Variants in GPHN observed in about 807,000 individuals in gnomAD.
The protein encoded by GPHN is gephyrin.
A neutral mutation model predicts 95.5 loss-of-function variants in GPHN; 17 were observed. The observed-to-expected ratio is 0.18, with a 90% CI of 0.12 to 0.27. The LOEUF (loss-of-function observed/expected upper bound fraction) is 0.27. GPHN is among the 10% of genes least tolerant of loss of function. The pLI is 1.00. For synonymous variants in GPHN, 320 were observed against 322.5 expected (o/e 0.99, Z 0.08); for missense variants, 660 against 978.1 (o/e 0.67, Z 4.34).
chr14:67,604,367 C>T, the GPHN span, among the ~76,000 whole-genome samples: 3 of 152,166 alleles, frequency 2.0e-5, no homozygotes, highest in African/African-American at 7.2e-5. Context: ...TCTTTTATGG[C>T]TAGTGTTGTA....
chr14:66,630,535 G>T (rs1007555300), intron 1 of GPHN, among the ~76,000 whole-genome samples: 3 of 151,154 alleles, frequency 2.0e-5, no homozygotes, highest in Non-Finnish European at 3.0e-5. Context: ...GCAGTGGCGC[G>T]ATCTCAGCTC....
At chr14:66,689,986 T>A (rs1251838810) in intron 2 of GPHN, among the ~76,000 whole-genome samples, 1 of 152,014 alleles carries the variant, frequency 6.6e-6, no homozygotes, top group African/African-American at 2.4e-5. Context: ...ATTTTATTGA[T>A]CTTTTCATAA....
At chr14:66,820,226 A>G (rs1439166769) in intron 3 of GPHN, among the ~76,000 whole-genome samples, 1 of 152,142 alleles carries the variant, frequency 6.6e-6, no homozygotes, top group Non-Finnish European at 1.5e-5. Context: ...AAAAACTGAT[A>G]AAACAATATC....
intron 1 of GPHN, among the ~76,000 whole-genome samples, chr14:66,591,748 T>A (rs1172474988): frequency 6.6e-6 from 1 of 152,210 alleles, no homozygotes; most frequent in African/African-American, 2.4e-5. Context: ...ATTTATAGAT[T>A]AAGTGCTATC....
intron 2 of GPHN, among the ~76,000 whole-genome samples, chr14:66,711,413 G>A (rs1179150328): frequency 6.6e-6 from 1 of 151,948 alleles, no homozygotes; most frequent in African/African-American, 2.4e-5. Context: ...GTATATATAT[G>A]CCACAGTTTC....
chr14:67,596,915 A>G, the GPHN span, among the ~76,000 whole-genome samples: 3 of 152,190 alleles, frequency 2.0e-5, no homozygotes, highest in Non-Finnish European at 4.4e-5. Context: ...CCCCTACTGT[A>G]ATAGTTCCTG....
chr14:67,034,067 A>G (rs975643178), intron 10 of GPHN, among the ~76,000 whole-genome samples: 4 of 152,216 alleles, frequency 2.6e-5, no homozygotes, highest in African/African-American at 9.6e-5. Context: ...AAGAAATGCT[A>G]AAGAGAGTCC....
intron 1 of GPHN, among the ~76,000 whole-genome samples, chr14:66,605,467 TC>T (rs1342460594): frequency 6.6e-6 from 1 of 152,168 alleles, no homozygotes; most frequent in Non-Finnish European, 1.5e-5. Flanking sequence ...TGAACATTTT[TC>T]ATTTATTTCT....
chr14:67,352,707 G>A, the GPHN span: 1 of 446,352 alleles, frequency 2.2e-6, no homozygotes. Flanking sequence ...GCAGGCGGGG[G>A]GCCAATCAGA....
the GPHN span, among the ~76,000 whole-genome samples, chr14:67,367,729 G>A: frequency 4.0e-4 from 61 of 152,010 alleles, no homozygotes; most frequent in African/African-American, 1.4e-3. Context: ...CCAGCTTCTC[G>A]GGCGGCTGAG....
the GPHN span, among the ~76,000 whole-genome samples, chr14:67,657,418 CCTGCCCTAATTTCTCAA>C: frequency 1.3e-5 from 2 of 152,162 alleles, no homozygotes; most frequent in African/African-American, 4.8e-5. Flanking sequence ...AGCTTCCCCA[CCTGCCCTAATTTCTCAA>C]CTGCCCTAAT....
At chr14:67,053,632 A>C (rs560269242) in intron 10 of GPHN, among the ~76,000 whole-genome samples, 90 of 152,306 alleles carry the variant, frequency 5.9e-4, no homozygotes, top group Non-Finnish European at 8.4e-4. Context: ...CATCATCCTG[A>C]TATCAAAACC....
intron 1 of GPHN, among the ~76,000 whole-genome samples, chr14:66,552,154 G>T (rs1385271554): frequency 6.6e-6 from 1 of 152,100 alleles, no homozygotes; most frequent in African/African-American, 2.4e-5. Context: ...AGTATGCCTG[G>T]AAATCTGTTT....
At chr14:67,017,251 T>C (rs2073365657) in intron 9 of GPHN, among the ~76,000 whole-genome samples, 1 of 152,102 alleles carries the variant, frequency 6.6e-6, no homozygotes, top group Non-Finnish European at 1.5e-5. Flanking sequence ...TTCCAAAAAG[T>C]GATGCATGAA....
intron 1 of GPHN, among the ~76,000 whole-genome samples, chr14:66,564,460 G>T (rs1430648416): frequency 6.6e-6 from 1 of 152,016 alleles, no homozygotes; most frequent in Admixed American, 6.6e-5. Flanking sequence ...ACTAAAACTT[G>T]CTTTAAAAAA....
chr14:66,557,808 T>C (rs1239327883), intron 1 of GPHN, among the ~76,000 whole-genome samples: 5 of 152,190 alleles, frequency 3.3e-5, no homozygotes, highest in African/African-American at 1.2e-4. Flanking sequence ...TTCAGAATTA[T>C]GCATGGAATG....
At chr14:66,970,092 T>G (rs2069648710) in intron 9 of GPHN, among the ~76,000 whole-genome samples, 1 of 151,204 alleles carries the variant, frequency 6.6e-6, no homozygotes, top group Non-Finnish European at 1.5e-5. Flanking sequence ...TGTGTTTTTT[T>G]TTTTTTTTTT....
chr14:67,275,430 T>A, the GPHN span, among the ~76,000 whole-genome samples: 1 of 152,206 alleles, frequency 6.6e-6, no homozygotes, highest in Non-Finnish European at 1.5e-5. Flanking sequence ...GTTTATTGAT[T>A]TGCGTATGTT....
the GPHN span, among the ~76,000 whole-genome samples, chr14:67,318,987 G>A: frequency 6.6e-6 from 1 of 152,098 alleles, no homozygotes; most frequent in African/African-American, 2.4e-5. Context: ...GAACCCGGGA[G>A]GCGGAGCTTG....
Sources: allele counts gnomAD v4.1 joint callset (sites outside exome capture counted in the v4.1 genomes callset), GRCh38; gene constraint gnomAD v4.1.1; transcripts MANE v1.5; gene names NCBI Gene and HGNC (gene_info 2026-07-23, HGNC 2026-07-21).